Variants in TRDN observed in about 807,000 individuals in gnomAD.
TRDN encodes triadin in skeletal muscle.
In TRDN, 161 loss-of-function variants were observed where a neutral mutation model predicts 149.7. The observed-to-expected ratio is 1.08, with a 90% confidence interval of 0.95 to 1.23. TRDN has a LOEUF of 1.23. TRDN is among the 50% of genes most tolerant of loss of function. TRDN has a pLI of 0.00. For synonymous variants in TRDN, 294 were observed against 250.5 expected (o/e 1.17, Z -1.64); for missense variants, 896 against 823.5 (o/e 1.09, Z -1.08).
Position 123,350,189 on chromosome 6 carries a change from G to A in TRDN, c.1369+2350C>T, listed in dbSNP as rs368202035. The A allele has an allele frequency of 1.2e-5, 12 of 968,274 alleles. No homozygotes were observed. In the South Asian group the frequency reaches 1.9e-4, roughly 15 times the overall value. The allele number at this position is 968,274 out of a possible 1,614,324, so 60.0% of individuals were successfully genotyped here. On this transcript the variant is annotated intron_variant, in intron 21 of 40. Coordinates refer to ENST00000334268, the MANE Select transcript of TRDN (RefSeq NM_006073.4). ...TTAATTACCTAAAAATATTTTTGTC[G>A]TGTTTCTTCTTAACTGACTGTCGAA...
At chr6:123,472,339 G>T (rs74730860) in intron 9 of TRDN, among the ~76,000 whole-genome samples, 1 of 152,294 alleles carries the variant, frequency 6.6e-6, no homozygotes, top group South Asian at 2.1e-4. Flanking sequence ...CTGGAAAATC[G>T]GGTCACTCCC....
At chr6:123,611,485 A>T (rs1784806752) in intron 1 of TRDN, among the ~76,000 whole-genome samples, 1 of 152,182 alleles carries the variant, frequency 6.6e-6, no homozygotes, top group South Asian at 2.1e-4. Context: ...ACCTATGTAG[A>T]TTTATAATTC....
Position 123,548,521 on chromosome 6 carries a change from A to T in TRDN, c.324T>A (p.Ser108=). 1 of 1,580,556 alleles carries T rather than the reference A, an allele frequency of 6.3e-7. No homozygotes were observed. The highest frequency in any genetic ancestry group is 8.6e-7 in the Non-Finnish European group (1 of 1,161,772). ...ETTDWIYGFF[S]LLSDIISSED... ...CAGATGAGATGATGTCAGATAACAA[A>T]GAAAAGAAGCCATAGATCCAGTCCG... is the stretch of plus-strand genomic sequence containing the variant. Residue 108 remains serine, a synonymous_variant, in exon 3 of 41, where the codon TCT becomes TCA. Transcript: ENST00000334268.
At chr6:123,269,180 T>C (rs1777119908) in intron 31 of TRDN, among the ~76,000 whole-genome samples, 1 of 152,034 alleles carries the variant, frequency 6.6e-6, no homozygotes, top group Non-Finnish European at 1.5e-5. Flanking sequence ...TAAATATTTA[T>C]GCCTTCCTGA....
At chr6:123,256,749 T>A (rs543705467) in intron 35 of TRDN, among the ~76,000 whole-genome samples, 1 of 152,178 alleles carries the variant, frequency 6.6e-6, no homozygotes, top group South Asian at 2.1e-4. Context: ...TTACAAAAAT[T>A]TTCTCTCATT....
chr6:123,363,411 A>C (rs1165438615), intron 20 of TRDN, among the ~76,000 whole-genome samples: 1 of 152,198 alleles, frequency 6.6e-6, no homozygotes, highest in Non-Finnish European at 1.5e-5. Context: ...TAATTTGTCA[A>C]ATTGGTAAAA....
intron 1 of TRDN, among the ~76,000 whole-genome samples, chr6:123,598,434 C>T (rs1198820730): frequency 6.6e-6 from 1 of 152,032 alleles, no homozygotes; most frequent in Non-Finnish European, 1.5e-5. Flanking sequence ...AAAGATTGCA[C>T]ACTACGTTTA....
intron 21 of TRDN, chr6:123,352,076 A>C: frequency 1.0e-6 from 1 of 977,784 alleles, no homozygotes; most frequent in Non-Finnish European, 1.2e-6. Flanking sequence ...ATATATCATA[A>C]TATACTCTAT....
intron 2 of TRDN, among the ~76,000 whole-genome samples, chr6:123,558,974 C>T (rs1007689340): frequency 2.2e-4 from 34 of 152,244 alleles, no homozygotes; most frequent in African/African-American, 8.0e-4. Flanking sequence ...TCCTCCTAAG[C>T]AGTGTGCCAT....
At chr6:123,289,113 T>C (rs1255493990) in intron 24 of TRDN, among the ~76,000 whole-genome samples, 1 of 147,158 alleles carries the variant, frequency 6.8e-6, no homozygotes, top group Non-Finnish European at 1.5e-5. Context: ...AGTATGTATG[T>C]ATAGTGTATA....
chr6:123,464,375 T>C, intron 10 of TRDN: 1 of 975,928 alleles, frequency 1.0e-6, no homozygotes, highest in Non-Finnish European at 1.2e-6. Context: ...TAAAACAGTA[T>C]TTGTGTGTGT....
At chr6:123,398,194 T>C (rs1381195062) in intron 12 of TRDN, among the ~76,000 whole-genome samples, 1 of 152,132 alleles carries the variant, frequency 6.6e-6, no homozygotes, top group African/African-American at 2.4e-5. Context: ...TTCAGTAAAG[T>C]CAGGGTTTCA....
At position 123,589,880 on chromosome 6, in the gene TRDN, C is replaced by G. The variant is rs1783697904; in HGVS notation, c.23-18748G>C. Among the ~76,000 whole-genome samples, 2 of 151,942 alleles carry G rather than the reference C, an allele frequency of 1.3e-5. 1 individual carries two copies. Among genetic ancestry groups the G allele is most frequent in the South Asian group, 4.2e-4 (2 of 4,816 alleles). Reference sequence around the variant, plus strand: ...TTTATGGAAGTGCAAGAACTAAGACCCAAGTTTCTTTTTTAAATTTTACTT... The same window carrying G: ...TTTATGGAAGTGCAAGAACTAAGACGCAAGTTTCTTTTTTAAATTTTACTT... On this transcript the variant is annotated intron_variant, in intron 1 of 40. Transcript: ENST00000334268.
chr6:123,248,473 C>T (rs999656360), intron 38 of TRDN, among the ~76,000 whole-genome samples: 2 of 152,082 alleles, frequency 1.3e-5, no homozygotes, highest in Admixed American at 1.3e-4. Context: ...AGAAGAATTG[C>T]TTGAACCCAG....
intron 16 of TRDN, among the ~76,000 whole-genome samples, chr6:123,380,025 A>G (rs1781654039): frequency 6.6e-6 from 1 of 152,224 alleles, no homozygotes; most frequent in Non-Finnish European, 1.5e-5. Flanking sequence ...AATCAAAGAA[A>G]TTCAAAGATA....
At chr6:123,458,043 C>T (rs1192595077) in intron 10 of TRDN, among the ~76,000 whole-genome samples, 1 of 152,136 alleles carries the variant, frequency 6.6e-6, no homozygotes, top group African/African-American at 2.4e-5. Context: ...TTAGTTCAAA[C>T]TCATGACTAC....
intron 12 of TRDN, among the ~76,000 whole-genome samples, chr6:123,411,049 CTT>C (rs34482163): frequency 4.2e-3 from 529 of 126,330 alleles, no homozygotes; most frequent in African/African-American, 6.8e-3. Flanking sequence ...AACTTTCTTT[CTT>C]TTTTTTTTTT....
chr6:123,255,927 G>C, intron 35 of TRDN, 25 bp from the exon 36 acceptor site: 1 of 1,231,274 alleles, frequency 8.1e-7, no homozygotes, highest in Non-Finnish European at 1.0e-6. Context: ...CAGTAACAGG[G>C]TAATTTATTT....
intron 1 of TRDN, among the ~76,000 whole-genome samples, chr6:123,615,913 A>G (rs1002801084): frequency 6.6e-6 from 1 of 152,210 alleles, no homozygotes; most frequent in African/African-American, 2.4e-5. Flanking sequence ...AATATTCCCA[A>G]CAAAAAGAAA....
Sources: allele counts gnomAD v4.1 joint callset (sites outside exome capture counted in the v4.1 genomes callset), GRCh38; gene constraint gnomAD v4.1.1; transcripts MANE v1.5; gene names NCBI Gene and HGNC (gene_info 2026-07-23, HGNC 2026-07-21).